EYS: variants seen among roughly 807,000 people sequenced by gnomAD.
The protein encoded by EYS is EGF-like photoreceptor maintenance factor.
In EYS, 250 loss-of-function variants were observed where a neutral mutation model predicts 282.1. The observed-to-expected ratio is 0.89, with a 90% CI of 0.80 to 0.98. EYS has a LOEUF of 0.98. Ranked by LOEUF, EYS falls within the 50% of genes least tolerant of loss-of-function variation. The pLI is 0.00. For synonymous variants in EYS, 1,355 were observed against 1,282.9 expected (o/e 1.06, Z -1.20); for missense variants, 4,016 against 3,709.0 (o/e 1.08, Z -2.15).
At chr6:63,926,036 G>A (rs964234998) in intron 35 of EYS, among the ~76,000 whole-genome samples, 1 of 151,238 alleles carries the variant, frequency 6.6e-6, no homozygotes, top group Non-Finnish European at 1.5e-5. Flanking sequence ...CCTTCCTTGT[G>A]TCCATGTGTT....
At chr6:65,264,397 T>G (rs577605177) in intron 12 of EYS, among the ~76,000 whole-genome samples, 8 of 152,240 alleles carry the variant, frequency 5.3e-5, no homozygotes, top group Admixed American at 3.3e-4. Context: ...ATGCAGAGAA[T>G]GAGACTGGAT....
At chr6:65,677,070 T>C (rs1582592263) in intron 1 of EYS, among the ~76,000 whole-genome samples, 1 of 88,786 alleles carries the variant, frequency 1.1e-5, no homozygotes. Flanking sequence ...GAAGGTAAAA[T>C]ATGTAAAGCC....
intron 29 of EYS, among the ~76,000 whole-genome samples, chr6:64,342,463 C>T (rs1490099664): frequency 6.6e-6 from 1 of 151,890 alleles, no homozygotes; most frequent in Non-Finnish European, 1.5e-5. Flanking sequence ...TCCAGACAAA[C>T]TAAGCTTCAT....
chr6:65,183,591 T>A (rs1321113176), intron 12 of EYS, among the ~76,000 whole-genome samples: 1 of 151,902 alleles, frequency 6.6e-6, no homozygotes, highest in African/African-American at 2.4e-5. Context: ...AAATTTTGTG[T>A]TTGTGTTACC....
intron 24 of EYS, among the ~76,000 whole-genome samples, chr6:64,609,249 A>G (rs1296273659): frequency 1.3e-5 from 2 of 152,176 alleles, no homozygotes; most frequent in Non-Finnish European, 2.9e-5. Context: ...ACCTAAGCAC[A>G]TGTTGTGGCA....
At chr6:64,777,842 G>C (rs1773727257) in intron 22 of EYS, among the ~76,000 whole-genome samples, 1 of 151,966 alleles carries the variant, frequency 6.6e-6, no homozygotes, top group Admixed American at 6.6e-5. Flanking sequence ...TCAACACTTT[G>C]AAGGAATTAA....
intron 12 of EYS, among the ~76,000 whole-genome samples, chr6:65,146,307 G>A (rs954800005): frequency 4.6e-5 from 7 of 151,592 alleles, no homozygotes; most frequent in East Asian, 1.9e-4. Context: ...ATAAACAATC[G>A]CAAAAACAAA....
intron 14 of EYS, among the ~76,000 whole-genome samples, chr6:64,971,612 C>A (rs1190510127): frequency 4.6e-5 from 7 of 152,074 alleles, no homozygotes; most frequent in Admixed American, 2.0e-4. Flanking sequence ...TTTAAAAATT[C>A]TTTTGATAGT....
chr6:65,511,984 CAAAAAAAAAAAAA>C (rs11368301), intron 2 of EYS, among the ~76,000 whole-genome samples: 20 of 94,810 alleles, frequency 2.1e-4, no homozygotes, highest in East Asian at 2.9e-4. Flanking sequence ...AACTCTGTCT[CAAAAAAAAAAAAA>C]AAAAAAAAAA....
intron 35 of EYS, among the ~76,000 whole-genome samples, chr6:63,965,910 A>G (rs1444319218): frequency 6.6e-6 from 1 of 152,198 alleles, no homozygotes; most frequent in Non-Finnish European, 1.5e-5. Context: ...AAGAATATGA[A>G]CCGCAGAATT....
intron 2 of EYS, among the ~76,000 whole-genome samples, chr6:65,533,623 C>A (rs903839318): frequency 6.6e-6 from 1 of 152,038 alleles, no homozygotes; most frequent in Non-Finnish European, 1.5e-5. Flanking sequence ...AGGTTAGAGG[C>A]CTCTGTCCTA....
Position 64,260,661 on chromosome 6 carries a change from TTCA to T in EYS, c.6192-29840_6192-29838del, listed in dbSNP as rs1767556874. ...TCTTTATAGCAATATTGTAGTTTTCTTCAGACAGGTTTTGCATTATACTTGTGG... is the reference window on the plus strand; with the variant it reads ...TCTTTATAGCAATATTGTAGTTTTCTGACAGGTTTTGCATTATACTTGTGG... On this transcript the variant is annotated intron_variant, in intron 30 of 42. Transcript: ENST00000503581. 2.0e-5 allele frequency among the ~76,000 whole-genome samples: 3 copies of T among 152,066 alleles called. No individual in the cohort carries two copies. The South Asian group carries it at 6.2e-4, about 31-fold the overall frequency.
chr6:64,344,524 C>T (rs575011608), intron 29 of EYS, among the ~76,000 whole-genome samples: 87 of 150,726 alleles, frequency 5.8e-4, no homozygotes, highest in Middle Eastern at 3.4e-3. Context: ...ATGCTAAAAA[C>T]TCTCAATATT....
intron 7 of EYS, among the ~76,000 whole-genome samples, chr6:65,390,871 G>A (rs1766002821): frequency 1.3e-5 from 2 of 151,034 alleles, no homozygotes; most frequent in South Asian, 4.2e-4. Context: ...GTGAAAACAT[G>A]AGACCCCGTC....
chr6:63,989,650 T>A (rs975704260), intron 34 of EYS, among the ~76,000 whole-genome samples: 1 of 151,552 alleles, frequency 6.6e-6, no homozygotes, highest in East Asian at 1.9e-4. Flanking sequence ...TTATACACTT[T>A]TTTTTACAAA....
At chr6:64,315,567 C>G (rs367963104) in intron 29 of EYS, among the ~76,000 whole-genome samples, 1 of 151,388 alleles carries the variant, frequency 6.6e-6, no homozygotes, top group Non-Finnish European at 1.5e-5. Flanking sequence ...AGCTTTTCTA[C>G]CACGATCAAG....
chr6:64,585,369 T>C (rs975474042), intron 26 of EYS, among the ~76,000 whole-genome samples: 1 of 152,124 alleles, frequency 6.6e-6, no homozygotes, highest in Non-Finnish European at 1.5e-5. Context: ...TTGGATACTA[T>C]GCTCACTACT....
chr6:65,587,812 AATGTAAGT>A (rs1333717393), intron 2 of EYS, among the ~76,000 whole-genome samples: 1 of 152,122 alleles, frequency 6.6e-6, no homozygotes, highest in East Asian at 1.9e-4. Flanking sequence ...TTAAAAGTTC[AATGTAAGT>A]ATAAATTTGT....
chr6:64,891,199 C>A (rs543290561), intron 18 of EYS, among the ~76,000 whole-genome samples: 1 of 151,878 alleles, frequency 6.6e-6, no homozygotes, highest in Admixed American at 6.6e-5. Flanking sequence ...TAACAGCAGC[C>A]CTGGTGAAAC....
Sources: allele counts gnomAD v4.1 joint callset (sites outside exome capture counted in the v4.1 genomes callset), GRCh38; gene constraint gnomAD v4.1.1; transcripts MANE v1.5; gene names NCBI Gene and HGNC (gene_info 2026-07-23, HGNC 2026-07-21).